SORCS2: variants seen among roughly 807,000 people sequenced by gnomAD.
The protein encoded by SORCS2 is sortilin related VPS10 domain containing receptor 2, also known as VPS10 domain-containing receptor SorCS2.
SORCS2 carries 100 observed loss-of-function variants against 141.6 expected under a neutral mutation model. The ratio of observed to expected loss-of-function variants is 0.71; its 90% CI spans 0.60 to 0.83. SORCS2 has a LOEUF of 0.83. Ranked by LOEUF, SORCS2 falls within the 40% of genes least tolerant of loss-of-function variation. The pLI is 0.00. For missense variants in SORCS2, 1,646 were observed against 1,560.2 expected, an observed-to-expected ratio of 1.05 and a Z score of -0.93; for synonymous variants, 789 against 676.9, an observed-to-expected ratio of 1.17 and a Z score of -2.57.
chr4:7,537,547 C>T (rs1712232287), intron 3 of SORCS2, among the ~76,000 whole-genome samples: 1 of 152,142 alleles, frequency 6.6e-6, no homozygotes, highest in Non-Finnish European at 1.5e-5. Flanking sequence ...TTTGTCCAGT[C>T]TTATAGAGAG....
intron 1 of SORCS2, among the ~76,000 whole-genome samples, chr4:7,269,790 G>T (rs1430503273): frequency 6.6e-6 from 1 of 152,208 alleles, no homozygotes; most frequent in Non-Finnish European, 1.5e-5. Context: ...GCCCAGAACT[G>T]TGATGAAAAT....
intron 14 of SORCS2, among the ~76,000 whole-genome samples, chr4:7,706,529 G>T (rs1227549548): frequency 2.9e-5 from 4 of 137,088 alleles, no homozygotes; most frequent in Non-Finnish European, 3.2e-5. Context: ...GCTGGGCTCT[G>T]TCTGGGCAGG....
At chr4:7,504,916 C>T (rs920425343) in intron 2 of SORCS2, among the ~76,000 whole-genome samples, 3 of 152,304 alleles carry the variant, frequency 2.0e-5, no homozygotes, top group East Asian at 1.9e-4. Flanking sequence ...TGGCCGTAGG[C>T]GCTGATGCCC....
intron 1 of SORCS2, among the ~76,000 whole-genome samples, chr4:7,217,495 A>G (rs557481398): frequency 6.3e-4 from 96 of 152,316 alleles, no homozygotes; most frequent in Non-Finnish European, 1.5e-4. Context: ...CGCAGGCTAC[A>G]TGCTTTTACT....
At chr4:7,449,740 G>T (rs1560294345) in intron 2 of SORCS2, among the ~76,000 whole-genome samples, 1 of 152,068 alleles carries the variant, frequency 6.6e-6, no homozygotes, top group Non-Finnish European at 1.5e-5. Flanking sequence ...CAGAGTCTGT[G>T]CTGTCTCCAG....
At chr4:7,348,261 A>G (rs1360051802) in intron 1 of SORCS2, among the ~76,000 whole-genome samples, 1 of 152,206 alleles carries the variant, frequency 6.6e-6, no homozygotes, top group Non-Finnish European at 1.5e-5. Context: ...GCTTTCTCAC[A>G]AGGATTATGA....
At chr4:7,212,851 C>G (rs993331050) in intron 1 of SORCS2, among the ~76,000 whole-genome samples, 4 of 152,374 alleles carry the variant, frequency 2.6e-5, no homozygotes, top group Non-Finnish European at 1.5e-5. Flanking sequence ...TGGGCAGGAG[C>G]CCATGGAGGG....
rs1724352054 is a variant in SORCS2, at chr4:7,398,307, G to C, written c.548+1952G>C. On this transcript the variant is annotated intron_variant, in intron 2 of 26. Coordinates refer to ENST00000507866, the MANE Select transcript of SORCS2 (RefSeq NM_020777.3). The stretch of plus-strand genomic sequence containing the variant: ...AGCTGCTCCAAGGGTGGGGTGGTGG[G>C]GACTTCCTTCTGCTCCAGAGAGCCT... Among the ~76,000 whole-genome samples the C allele has an allele frequency of 2.0e-5, 3 of 152,262 alleles. No individual in the cohort carries two copies. In the South Asian group the frequency reaches 6.2e-4, roughly 32 times the overall value.
intron 3 of SORCS2, among the ~76,000 whole-genome samples, chr4:7,555,477 C>G (rs1194694408): frequency 6.6e-6 from 1 of 152,218 alleles, no homozygotes; most frequent in Non-Finnish European, 1.5e-5. Flanking sequence ...AGACACAGCC[C>G]AGGCTGTGGT....
chr4:7,742,600 C>G lies in SORCS2; in HGVS notation c.*2336C>G, dbSNP rs2234765. 1 of 152,288 alleles carries G rather than the reference C, an allele frequency of 6.6e-6. No individual in the cohort carries two copies. The highest frequency in any genetic ancestry group is 2.4e-5 in the African/African-American group (1 of 41,564). The allele number at this position is 152,288 out of a possible 1,614,324, so 9.4% of individuals were successfully genotyped here. On this transcript the variant is annotated 3_prime_UTR_variant, in exon 27 of 27. Transcript: ENST00000507866. ...GGCATCTGAGACAGCCTGATACGTT[C>G]CCGTCTGTGCACCCATGGAGATCCA...
rs868518912 is a variant in SORCS2, at chr4:7,706,095, G to A, written c.1868+1811G>A. Reference sequence around the variant, plus strand: ...GGCTGGGCTCTGCCTGGACAGAGATGAGGCTGGGCTCTGTCTGGGCAGGGA... The same window carrying A: ...GGCTGGGCTCTGCCTGGACAGAGATAAGGCTGGGCTCTGTCTGGGCAGGGA... On this transcript the variant is annotated intron_variant, in intron 14 of 26. Transcript: ENST00000507866. 1.1e-3 allele frequency among the ~76,000 whole-genome samples: 131 copies of A among 118,550 alleles called. 7 individuals carry two copies. Among genetic ancestry groups the A allele is most frequent in the African/African-American group, 2.2e-3 (74 of 34,226 alleles). The allele number at this position is 118,550 out of a possible 152,430, so 77.8% of individuals were successfully genotyped here.
intron 19 of SORCS2, among the ~76,000 whole-genome samples, chr4:7,724,319 G>GTGGTGA (rs1477776477): frequency 7.0e-6 from 1 of 142,204 alleles, no homozygotes; most frequent in African/African-American, 2.7e-5. Flanking sequence ...GGTGGTGGTG[G>GTGGTGA]TGGTGATAGG....
intron 2 of SORCS2, among the ~76,000 whole-genome samples, chr4:7,468,975 G>A (rs537148640): frequency 9.2e-5 from 14 of 152,326 alleles, no homozygotes; most frequent in African/African-American, 3.1e-4. Flanking sequence ...TGTAAAATAG[G>A]AAAAATGAAC....
intron 2 of SORCS2, among the ~76,000 whole-genome samples, chr4:7,423,334 C>T (rs1262278093): frequency 6.6e-6 from 1 of 152,186 alleles, no homozygotes; most frequent in African/African-American, 2.4e-5. Context: ...GTGACAGGCT[C>T]AAGGGAGCAG....
chr4:7,340,686 C>G (rs1167456338), intron 1 of SORCS2, among the ~76,000 whole-genome samples: 2 of 152,224 alleles, frequency 1.3e-5, no homozygotes, highest in Non-Finnish European at 2.9e-5. Flanking sequence ...CCCTGAGCTC[C>G]AGCTGCAGGC....
At chr4:7,365,178 G>A (rs1245083352) in intron 1 of SORCS2, among the ~76,000 whole-genome samples, 2 of 152,230 alleles carry the variant, frequency 1.3e-5, no homozygotes, top group Non-Finnish European at 2.9e-5. Flanking sequence ...AGCAGTGAGA[G>A]GCCACGGAGG....
At chr4:7,197,359 A>G (rs1305803491) in intron 1 of SORCS2, among the ~76,000 whole-genome samples, 1 of 152,170 alleles carries the variant, frequency 6.6e-6, no homozygotes, top group Non-Finnish European at 1.5e-5. Context: ...TCAGACCCTA[A>G]TAGCAGGGAA....
chr4:7,263,982 C>T (rs1714545379), intron 1 of SORCS2, among the ~76,000 whole-genome samples: 1 of 152,168 alleles, frequency 6.6e-6, no homozygotes, highest in African/African-American at 2.4e-5. Context: ...TCATTCACTC[C>T]CTCTCCTCAC....
chr4:7,508,567 ACCT>A (rs1014278504), intron 2 of SORCS2, among the ~76,000 whole-genome samples: 12 of 151,920 alleles, frequency 7.9e-5, no homozygotes, highest in African/African-American at 2.9e-4. Flanking sequence ...CAAACTCCTG[ACCT>A]CAGGTGATCC....
Sources: allele counts gnomAD v4.1 joint callset (sites outside exome capture counted in the v4.1 genomes callset), GRCh38; gene constraint gnomAD v4.1.1; transcripts MANE v1.5; gene names NCBI Gene and HGNC (gene_info 2026-07-23, HGNC 2026-07-21).